Variants in KCNJ6 observed in about 807,000 individuals in gnomAD.
The protein encoded by KCNJ6 is G protein-activated inward rectifier potassium channel 2.
KCNJ6 carries 9 observed loss-of-function variants against 34.2 expected under a neutral mutation model. The ratio of observed to expected loss-of-function variants is 0.26; its 90% confidence interval spans 0.16 to 0.46. KCNJ6 has a LOEUF of 0.46. Ranked by LOEUF, KCNJ6 falls within the 20% of genes least tolerant of loss-of-function variation. KCNJ6 has a pLI of 1.00. For missense variants in KCNJ6, 236 were observed against 531.3 expected (o/e 0.44, Z 5.46); for synonymous variants, 196 against 207.1 (o/e 0.95, Z 0.46).
intron 2 of KCNJ6, among the ~76,000 whole-genome samples, chr21:37,736,742 T>C (rs538562025): frequency 6.6e-6 from 1 of 152,208 alleles, no homozygotes; most frequent in African/African-American, 2.4e-5. Context: ...CCTGTTAAGG[T>C]ACTGTTCACC....
At chr21:37,704,109 C>G (rs1207827622) in intron 3 of KCNJ6, among the ~76,000 whole-genome samples, 1 of 152,200 alleles carries the variant, frequency 6.6e-6, no homozygotes, top group Admixed American at 6.5e-5. Context: ...AACACAGGGT[C>G]TGCAGGCCAT....
At chr21:37,804,051 A>G (rs1056945993) in intron 2 of KCNJ6, among the ~76,000 whole-genome samples, 1 of 152,268 alleles carries the variant, frequency 6.6e-6, no homozygotes, top group African/African-American at 2.4e-5. Flanking sequence ...AAGGATTTTA[A>G]TAGACATTTC....
At chr21:37,642,503 C>T (rs1328600768) in intron 3 of KCNJ6, among the ~76,000 whole-genome samples, 4 of 152,058 alleles carry the variant, frequency 2.6e-5, no homozygotes, top group Non-Finnish European at 4.4e-5. Context: ...GTGGTCAAAG[C>T]TGAGGGGTAA....
At chr21:37,693,544 G>A (rs1274429261) in intron 3 of KCNJ6, among the ~76,000 whole-genome samples, 1 of 152,168 alleles carries the variant, frequency 6.6e-6, no homozygotes, top group Non-Finnish European at 1.5e-5. Context: ...TAGCAGGCAG[G>A]TGCTCGCCCC....
chr21:37,853,835 C>CAT lies in KCNJ6; in HGVS notation c.-27-13128_-27-13127dup, dbSNP rs1555850305. Among the ~76,000 whole-genome samples the CAT allele has an allele frequency of 3.9e-3, 170 of 43,232 alleles. 3 individuals are homozygous for CAT. The highest frequency in any genetic ancestry group is 0.02 in the African/African-American group (116 of 5,686). 28.4% of individuals were successfully genotyped at this position (43,232 alleles called of 152,430 possible). ...TATTAACAGCAGTAGTTAAGAGATA[C>CAT]ATATATATATGTATATATATATATA... On this transcript the variant is annotated intron_variant, in intron 1 of 3. Coordinates refer to ENST00000609713, the MANE Select transcript of KCNJ6 (RefSeq NM_002240.5).
chr21:37,721,775 A>T (rs1463012615), intron 2 of KCNJ6, among the ~76,000 whole-genome samples: 2 of 152,206 alleles, frequency 1.3e-5, no homozygotes, highest in East Asian at 3.8e-4. Context: ...GGAAACAGAG[A>T]TCAGAGAAAG....
chr21:37,730,132 C>G (rs578202669), intron 2 of KCNJ6, among the ~76,000 whole-genome samples: 1 of 152,342 alleles, frequency 6.6e-6, no homozygotes, highest in South Asian at 2.1e-4. Context: ...AAATCTATTG[C>G]TCCTGATTCT....
chr21:37,848,735 G>T (rs1381222270), intron 1 of KCNJ6, among the ~76,000 whole-genome samples: 3 of 152,150 alleles, frequency 2.0e-5, no homozygotes, highest in African/African-American at 7.2e-5. Flanking sequence ...GCATTGCTCT[G>T]GGTACTTTCT....
chr21:37,840,406 A>T (rs1254906428), intron 2 of KCNJ6, among the ~76,000 whole-genome samples: 3 of 152,230 alleles, frequency 2.0e-5, no homozygotes, highest in Non-Finnish European at 4.4e-5. Context: ...TGTTACAAAC[A>T]AAATCTATTT....
At chr21:37,914,008 G>GTGTGTGT (rs1555855560) in intron 1 of KCNJ6, among the ~76,000 whole-genome samples, 5 of 135,480 alleles carry the variant, frequency 3.7e-5, no homozygotes, top group South Asian at 5.2e-4. Context: ...GGCGGATCGG[G>GTGTGTGT]GTGTGTGTGT....
At chr21:37,722,497 G>T (rs963135348) in intron 2 of KCNJ6, among the ~76,000 whole-genome samples, 1 of 152,160 alleles carries the variant, frequency 6.6e-6, no homozygotes, top group Non-Finnish European at 1.5e-5. Context: ...TAGGCAAAAA[G>T]TACAAAGCCA....
intron 1 of KCNJ6, among the ~76,000 whole-genome samples, chr21:37,849,072 T>G (rs1207889128): frequency 6.6e-6 from 1 of 152,198 alleles, no homozygotes; most frequent in Non-Finnish European, 1.5e-5. Flanking sequence ...AAGAAAATAC[T>G]ATGCGAGACT....
intron 3 of KCNJ6, among the ~76,000 whole-genome samples, chr21:37,672,931 G>T (rs1315774794): frequency 6.6e-6 from 1 of 152,148 alleles, no homozygotes; most frequent in East Asian, 1.9e-4. Context: ...GGTGCATGCT[G>T]CTGTGCCCTG....
At chr21:37,696,589 G>A (rs773621330) in intron 3 of KCNJ6, among the ~76,000 whole-genome samples, 48 of 152,062 alleles carry the variant, frequency 3.2e-4, no homozygotes, top group Non-Finnish European at 6.3e-4. Context: ...AACAAAGTAC[G>A]ACCTGGGATT....
intron 2 of KCNJ6, among the ~76,000 whole-genome samples, chr21:37,738,691 G>A (rs951112259): frequency 1.9e-4 from 29 of 152,106 alleles, no homozygotes; most frequent in Admixed American, 1.6e-3. Flanking sequence ...CCCTTTCCCT[G>A]AGCCCCAAGA....
intron 2 of KCNJ6, among the ~76,000 whole-genome samples, chr21:37,820,892 A>G (rs2055370159): frequency 2.6e-5 from 4 of 152,266 alleles, no homozygotes; most frequent in Admixed American, 2.6e-4. Context: ...TCTTGTGAAC[A>G]ATGTCTTAAG....
chr21:37,731,119 G>A (rs78710401), intron 2 of KCNJ6, among the ~76,000 whole-genome samples: 1 of 131,468 alleles, frequency 7.6e-6, no homozygotes, highest in Non-Finnish European at 1.7e-5. Context: ...GTGTGTGTGT[G>A]TGTGTGTGTT....
intron 3 of KCNJ6, among the ~76,000 whole-genome samples, chr21:37,627,403 C>T (rs185611286): frequency 5.9e-5 from 9 of 152,170 alleles, no homozygotes; most frequent in African/African-American, 1.9e-4. Context: ...TCTCAAACAA[C>T]GTTTCTCTTC....
At chr21:37,855,626 G>A (rs528491383) in intron 1 of KCNJ6, among the ~76,000 whole-genome samples, 1 of 152,304 alleles carries the variant, frequency 6.6e-6, no homozygotes, top group Non-Finnish European at 1.5e-5. Context: ...CAATTCAGAA[G>A]GCAGAAGTCA....
Sources: gnomAD v4.1 joint callset for allele counts (sites outside exome capture counted in the v4.1 genomes callset) on GRCh38, gnomAD v4.1.1 for gene constraint, MANE v1.5 for transcripts, NCBI Gene and HGNC (gene_info 2026-07-23, HGNC 2026-07-21) for gene names.